The following LARGE1 variants were observed in gnomAD, a reference collection of about 807,000 sequenced individuals.
LARGE1 encodes LARGE xylosyl- and glucuronyltransferase 1.
LARGE1 carries 43 observed loss-of-function variants against 87.6 expected under a neutral mutation model. The ratio of observed to expected loss-of-function variants is 0.49; its 90% CI spans 0.38 to 0.63. LARGE1 has a LOEUF of 0.63. LARGE1 is among the 30% of genes least tolerant of loss of function. LARGE1 has a pLI of 0.00. For missense variants in LARGE1, 802 were observed against 1,000.2 expected (o/e 0.80, Z 2.67); for synonymous variants, 434 against 394.6 (o/e 1.10, Z -1.18).
At chr22:33,691,799 A>T (rs901512029) in intron 2 of LARGE1, among the ~76,000 whole-genome samples, 5 of 152,212 alleles carry the variant, frequency 3.3e-5, no homozygotes, top group African/African-American at 7.2e-5. Context: ...TATGGAACTT[A>T]GAACAGCCTT....
rs560591355 is a variant in LARGE1, at chr22:33,332,952, G to A, written c.1287+4694C>T. Among the ~76,000 whole-genome samples the A allele has an allele frequency of 6.6e-5, 10 of 151,648 alleles. No homozygotes were observed. In the South Asian group the frequency reaches 1.3e-3, roughly 19 times the overall value. ...TCCATCTGCTCTCTCCATTCCCACC[G>A]CAACTGTCCTAGAGATCAGAGCCCC... On this transcript the variant is annotated intron_variant, in intron 10 of 14. Coordinates refer to ENST00000397394, the MANE Select transcript of LARGE1 (RefSeq NM_133642.5).
Position 33,654,123 on chromosome 22 carries a change from G to C in LARGE1, c.107-3455C>G, listed in dbSNP as rs185520947. On this transcript the variant is annotated intron_variant, in intron 2 of 14. Coordinates refer to ENST00000397394, the MANE Select transcript of LARGE1 (RefSeq NM_133642.5). Reference sequence around the variant, plus strand: ...CAAATTTAACTCTCAAAGACGTGCGGGGGTTTTCCCACTTTTAAAAGCCCT... The same window carrying C: ...CAAATTTAACTCTCAAAGACGTGCGCGGGTTTTCCCACTTTTAAAAGCCCT... Among the ~76,000 whole-genome samples, 3 of 152,164 alleles carry C rather than the reference G, an allele frequency of 2.0e-5. No homozygotes were observed. In the East Asian group the frequency reaches 5.8e-4, roughly 29 times the overall value.
At chr22:33,852,788 G>A (rs891293546) in intron 1 of LARGE1, among the ~76,000 whole-genome samples, 3 of 147,756 alleles carry the variant, frequency 2.0e-5, no homozygotes, top group South Asian at 2.1e-4. Flanking sequence ...CCTGGGAGGC[G>A]GAGGTTACAG....
At chr22:33,622,440 C>T (rs1377184617) in intron 4 of LARGE1, among the ~76,000 whole-genome samples, 2 of 152,328 alleles carry the variant, frequency 1.3e-5, no homozygotes, top group Middle Eastern at 3.4e-3. Context: ...GTCAATTAAA[C>T]CCCTTTCCTT....
At chr22:33,660,756 A>G (rs569208359) in intron 2 of LARGE1, among the ~76,000 whole-genome samples, 1 of 152,266 alleles carries the variant, frequency 6.6e-6, no homozygotes, top group African/African-American at 2.4e-5. Flanking sequence ...AGTGTCCTCA[A>G]TGTGGCTATT....
chr22:33,442,137 C>T (rs2067502518), intron 6 of LARGE1, among the ~76,000 whole-genome samples: 1 of 152,130 alleles, frequency 6.6e-6, no homozygotes, highest in African/African-American at 2.4e-5. Flanking sequence ...ATAAGCAAGA[C>T]CATAACTAGC....
At chr22:33,563,567 C>T (rs1376527087) in intron 6 of LARGE1, among the ~76,000 whole-genome samples, 1 of 152,198 alleles carries the variant, frequency 6.6e-6, no homozygotes, top group Non-Finnish European at 1.5e-5. Context: ...GATAGGGGAA[C>T]TTGAAAAGAG....
intron 2 of LARGE1, among the ~76,000 whole-genome samples, chr22:33,666,206 C>T (rs1001484075): frequency 6.6e-6 from 1 of 152,106 alleles, no homozygotes; most frequent in Non-Finnish European, 1.5e-5. Flanking sequence ...CAAGAGAATC[C>T]AAATCATACC....
chr22:33,797,141 A>G (rs1191661494), intron 1 of LARGE1, among the ~76,000 whole-genome samples: 1 of 152,138 alleles, frequency 6.6e-6, no homozygotes, highest in African/African-American at 2.4e-5. Flanking sequence ...CATCAGGGAC[A>G]GAAGAGGGTG....
At chr22:33,079,689 G>A in the LARGE1 span, among the ~76,000 whole-genome samples, 1 of 152,118 alleles carries the variant, frequency 6.6e-6, no homozygotes, top group African/African-American at 2.4e-5. Flanking sequence ...TTCGTTTAAG[G>A]AAACTCTAGT....
chr22:33,149,762 T>C, the LARGE1 span, among the ~76,000 whole-genome samples: 1 of 152,200 alleles, frequency 6.6e-6, no homozygotes, highest in Non-Finnish European at 1.5e-5. Context: ...CTTATGCTTG[T>C]TGGACTGAGG....
intron 11 of LARGE1, among the ~76,000 whole-genome samples, chr22:33,186,118 A>G (rs1923461076): frequency 6.6e-6 from 1 of 152,178 alleles, no homozygotes; most frequent in Admixed American, 6.5e-5. Context: ...AAAAAAATCA[A>G]TCGCACACAA....
intron 2 of LARGE1, among the ~76,000 whole-genome samples, chr22:33,668,579 G>T (rs929044105): frequency 6.6e-6 from 1 of 152,274 alleles, no homozygotes; most frequent in Non-Finnish European, 1.5e-5. Context: ...TACTCCTTTA[G>T]ATCGGCGGAA....
chr22:33,569,713 C>T (rs566136606), intron 5 of LARGE1, among the ~76,000 whole-genome samples: 1 of 152,180 alleles, frequency 6.6e-6, no homozygotes, highest in African/African-American at 2.4e-5. Context: ...CAGCCACCCC[C>T]ACCCCCACAG....
At chr22:33,205,667 C>T (rs1203414255) in intron 11 of LARGE1, among the ~76,000 whole-genome samples, 1 of 152,068 alleles carries the variant, frequency 6.6e-6, no homozygotes, top group Non-Finnish European at 1.5e-5. Context: ...GTCAAGTTTC[C>T]AGCAAAAAAA....
At chr22:33,495,378 T>C (rs1382941209) in intron 6 of LARGE1, among the ~76,000 whole-genome samples, 1 of 152,180 alleles carries the variant, frequency 6.6e-6, no homozygotes, top group Non-Finnish European at 1.5e-5. Context: ...TGCTATATAG[T>C]GTAAAAACAA....
the LARGE1 span, among the ~76,000 whole-genome samples, chr22:33,120,761 C>T: frequency 6.6e-6 from 1 of 152,046 alleles, no homozygotes; most frequent in Non-Finnish European, 1.5e-5. Context: ...AGGTGATCTG[C>T]CTGCCTGAGC....
At chr22:33,121,840 T>A in the LARGE1 span, among the ~76,000 whole-genome samples, 1 of 152,144 alleles carries the variant, frequency 6.6e-6, no homozygotes, top group Non-Finnish European at 1.5e-5. Flanking sequence ...AGAAGCAAAG[T>A]CATGTCTTAC....
At position 33,650,684 on chromosome 22, in the gene LARGE1, C is replaced by T; in HGVS notation, c.107-16G>A. On this transcript the variant is annotated splice_polypyrimidine_tract_variant and intron_variant, in intron 2 of 14. Coordinates refer to ENST00000397394, the MANE Select transcript of LARGE1 (RefSeq NM_133642.5). ...GGCTTTCCATCTGGGGAGCGAAACACCAGGGAAGCTTTAATCTGGATGAAC... is the reference window on the plus strand; with the variant it reads ...GGCTTTCCATCTGGGGAGCGAAACATCAGGGAAGCTTTAATCTGGATGAAC... 6.3e-7 allele frequency: 1 copy of T among 1,598,268 alleles called. No individual in the cohort carries two copies. Among genetic ancestry groups the T allele is most frequent in the Non-Finnish European group, 8.5e-7 (1 of 1,179,898 alleles).
Sources: allele counts gnomAD v4.1 joint callset (sites outside exome capture counted in the v4.1 genomes callset), GRCh38; gene constraint gnomAD v4.1.1; transcripts MANE v1.5; gene names NCBI Gene and HGNC (gene_info 2026-07-23, HGNC 2026-07-21).